MACROD2: variants seen among roughly 807,000 people sequenced by gnomAD.
MACROD2 encodes the protein mono-ADP ribosylhydrolase 2, also known as ADP-ribose glycohydrolase MACROD2.
MACROD2 carries 36 observed loss-of-function variants against 70.4 expected under a neutral mutation model. The observed-to-expected ratio is 0.51, with a 90% CI of 0.39 to 0.68. The LOEUF (loss-of-function observed/expected upper bound fraction) is 0.68. Among genes scored for constraint, MACROD2 ranks in the 30% least tolerant of loss-of-function variants. MACROD2 has a pLI of 0.00. For synonymous variants in MACROD2, 172 were observed against 178.8 expected, an observed-to-expected ratio of 0.96 and a Z score of 0.30; for missense variants, 496 against 538.4, an observed-to-expected ratio of 0.92 and a Z score of 0.78.
intron 5 of MACROD2, among the ~76,000 whole-genome samples, chr20:14,878,467 G>A (rs1468465767): frequency 6.6e-6 from 1 of 152,018 alleles, no homozygotes; most frequent in Non-Finnish European, 1.5e-5. Context: ...TGCCTTTAAA[G>A]TAAAACTATA....
intron 5 of MACROD2, among the ~76,000 whole-genome samples, chr20:14,826,620 A>T (rs796968091): frequency 5.1e-4 from 78 of 152,160 alleles, no homozygotes; most frequent in African/African-American, 1.6e-3. Context: ...GTCTCTCCAA[A>T]GGCTTCGTTC....
chr20:14,918,617 G>GT (rs201821065), intron 5 of MACROD2, among the ~76,000 whole-genome samples: 4,876 of 127,694 alleles, frequency 0.038, 155 homozygotes, highest in African/African-American at 0.08. Flanking sequence ...TGTTTTTTTT[G>GT]TTTTTTTTTT....
chr20:14,431,316 C>T (rs2083992045), intron 3 of MACROD2, among the ~76,000 whole-genome samples: 1 of 151,944 alleles, frequency 6.6e-6, no homozygotes, highest in Non-Finnish European at 1.5e-5. Context: ...GGATGGAAAC[C>T]CTATACTCTC....
chr20:14,697,898 AGG>A (rs2123626546), intron 5 of MACROD2, among the ~76,000 whole-genome samples: 1 of 152,332 alleles, frequency 6.6e-6, no homozygotes, highest in East Asian at 1.9e-4. Flanking sequence ...GAACTAGGCA[AGG>A]ATTTTTACCC....
At chr20:15,922,231 T>A (rs1419694546) in intron 10 of MACROD2, among the ~76,000 whole-genome samples, 1 of 152,242 alleles carries the variant, frequency 6.6e-6, no homozygotes, top group African/African-American at 2.4e-5. Context: ...TCCCCACTAG[T>A]TATCTCTAGA....
At chr20:14,366,527 C>T (rs763381633) in intron 3 of MACROD2, among the ~76,000 whole-genome samples, 13 of 151,870 alleles carry the variant, frequency 8.6e-5, no homozygotes, top group African/African-American at 1.2e-4. Flanking sequence ...CCACCACACC[C>T]GGCTAATTTT....
intron 6 of MACROD2, among the ~76,000 whole-genome samples, chr20:15,285,557 T>C (rs1007646632): frequency 6.6e-6 from 1 of 152,170 alleles, no homozygotes; most frequent in East Asian, 1.9e-4. Context: ...TTCAATCTCA[T>C]TGGTGAATTT....
chr20:15,869,430 GA>G (rs1178661636), intron 9 of MACROD2, among the ~76,000 whole-genome samples: 2 of 150,770 alleles, frequency 1.3e-5, no homozygotes, highest in Non-Finnish European at 3.0e-5. Context: ...AAAATTAATA[GA>G]AAAAAAGCTA....
At chr20:14,449,821 CT>C (rs1345449296) in intron 3 of MACROD2, among the ~76,000 whole-genome samples, 1 of 152,094 alleles carries the variant, frequency 6.6e-6, no homozygotes, top group East Asian at 1.9e-4. Context: ...GAATCTGAGT[CT>C]GTTTGATTTC....
rs180728530 is a variant in MACROD2 at position 14,301,574 on chromosome 20, A to G, written c.272-191905A>G. Among the ~76,000 whole-genome samples, 5 of 152,350 alleles carry G rather than the reference A, an allele frequency of 3.3e-5. No homozygotes were observed. In the East Asian group the frequency reaches 7.7e-4, roughly 24 times the overall value. On this transcript the variant is annotated intron_variant, in intron 3 of 17. Transcript: ENST00000684519. ...TTTTGAATTTCCCTAAAGCAAGAACATACTGAAATGAATGGTGAATAGTTG... is the reference window on the plus strand; with the variant it reads ...TTTTGAATTTCCCTAAAGCAAGAACGTACTGAAATGAATGGTGAATAGTTG...
At chr20:14,443,666 G>A (rs1218991413) in intron 3 of MACROD2, among the ~76,000 whole-genome samples, 1 of 152,068 alleles carries the variant, frequency 6.6e-6, no homozygotes, top group African/African-American at 2.4e-5. Context: ...ATGTCAAATT[G>A]ATTCAGTTAA....
chr20:15,246,521 A>T (rs114496172), intron 6 of MACROD2, among the ~76,000 whole-genome samples: 4,259 of 152,068 alleles, frequency 0.028, 95 homozygotes, highest in Non-Finnish European at 0.04. Flanking sequence ...TTTTTTTATT[A>T]GTGAAATGAG....
At chr20:15,010,421 A>G (rs2075073601) in intron 5 of MACROD2, among the ~76,000 whole-genome samples, 1 of 152,234 alleles carries the variant, frequency 6.6e-6, no homozygotes, top group Non-Finnish European at 1.5e-5. Flanking sequence ...TGAAGAAGGA[A>G]TTATAGTCCC....
intron 5 of MACROD2, among the ~76,000 whole-genome samples, chr20:15,091,913 C>T (rs1247142985): frequency 6.6e-6 from 1 of 152,042 alleles, no homozygotes; most frequent in Non-Finnish European, 1.5e-5. Flanking sequence ...TCATAAGTGT[C>T]AATTCAGTGC....
chr20:15,135,851 A>G lies in MACROD2; in HGVS notation c.419-94089A>G, dbSNP rs1235805219. 4.0e-5 allele frequency among the ~76,000 whole-genome samples: 6 copies of G among 151,266 alleles called. No individual in the cohort carries two copies. In the South Asian group the frequency reaches 1.1e-3, roughly 27 times the overall value. ...AGCCCAAAATCTCCTTAAGCTGATA[A>G]GCAACTTCAGCAAAGTCTCAGGATA... On this transcript the variant is annotated intron_variant, in intron 5 of 17. Coordinates refer to ENST00000684519, the MANE Select transcript of MACROD2 (RefSeq NM_001351661.2).
At chr20:14,043,127 C>T (rs182283841) in intron 2 of MACROD2, among the ~76,000 whole-genome samples, 220 of 152,166 alleles carry the variant, frequency 1.4e-3, no homozygotes, top group Non-Finnish European at 2.5e-3. Context: ...ACTATGTTGC[C>T]TGGGCTGGTC....
intron 3 of MACROD2, among the ~76,000 whole-genome samples, chr20:14,142,924 T>C (rs1601276098): frequency 1.3e-5 from 2 of 152,198 alleles, no homozygotes; most frequent in East Asian, 3.8e-4. Flanking sequence ...GAAAAGAGCA[T>C]AGATTGATTT....
chr20:15,641,109 G>GA lies in MACROD2; in HGVS notation c.645+141263dup, dbSNP rs558898671. On this transcript the variant is annotated intron_variant, in intron 8 of 17. Coordinates refer to ENST00000684519, the MANE Select transcript of MACROD2 (RefSeq NM_001351661.2). ...GAAAATAGAGTTTATTGGAGTTGCTGATTGTGGATGCTTGCAGAGGGCTCT... is the reference window on the plus strand; with the variant it reads ...GAAAATAGAGTTTATTGGAGTTGCTGAATTGTGGATGCTTGCAGAGGGCTCT... Among the ~76,000 whole-genome samples the GA allele has an allele frequency of 2.7e-3, 410 of 152,354 alleles. 2 individuals carry two copies. The highest frequency in any genetic ancestry group is 9.3e-3 in the African/African-American group (387 of 41,586).
intron 8 of MACROD2, among the ~76,000 whole-genome samples, chr20:15,784,721 C>T (rs1568559471): frequency 1.3e-5 from 2 of 152,036 alleles, no homozygotes; most frequent in Admixed American, 6.5e-5. Context: ...AAAACAAGAA[C>T]AGTAAAGCTT....
Sources: allele counts gnomAD v4.1 joint callset (sites outside exome capture counted in the v4.1 genomes callset), GRCh38; gene constraint gnomAD v4.1.1; transcripts MANE v1.5; gene names NCBI Gene and HGNC (gene_info 2026-07-23, HGNC 2026-07-21).